The following RSF1 variants were observed in gnomAD, a reference collection of about 807,000 sequenced individuals.
RSF1 encodes HBV pX-associated protein 8.
Under a neutral mutation model 145.2 loss-of-function variants are expected in RSF1, and 13 were observed. The observed-to-expected ratio is 0.09, with a 90% CI of 0.06 to 0.14. The LOEUF is 0.14. RSF1 is among the 10% of genes least tolerant of loss of function. RSF1 has a pLI of 1.00. For missense variants in RSF1, 1,517 were observed against 1,718.2 expected (o/e 0.88, Z 2.07); for synonymous variants, 577 against 592.6 (o/e 0.97, Z 0.38).
intron 2 of RSF1, 45 bp downstream of exon 2, chr11:77,764,553 G>A (rs754272531): frequency 2.9e-6 from 3 of 1,028,200 alleles, no homozygotes; most frequent in Non-Finnish European, 4.6e-6. Flanking sequence ...TTATGCTAGA[G>A]TAATATTTCA....
In RSF1 at chr11:77,729,895, C is replaced by CAAAAA. The variant is rs398045289; in HGVS notation, c.579-4201_579-4197dup. Among the ~76,000 whole-genome samples the CAAAAA allele has an allele frequency of 3.1e-4, 15 of 48,934 alleles. 1 individual carries two copies. Among genetic ancestry groups the CAAAAA allele is most frequent in the Non-Finnish European group, 4.0e-4 (9 of 22,360 alleles). The allele number at this position is 48,934 out of a possible 152,430, so 32.1% of individuals were successfully genotyped here. On this transcript the variant is annotated intron_variant, in intron 4 of 15. Coordinates refer to ENST00000308488, the MANE Select transcript of RSF1 (RefSeq NM_016578.4). ...TATAAATGCCAAATTATTCAGTAGG[C>CAAAAA]AAAAAAAAAAAAAAAAAAAAAAAAA...
chr11:77,684,222 T>A (rs926508642), intron 10 of RSF1, among the ~76,000 whole-genome samples: 4 of 152,258 alleles, frequency 2.6e-5, no homozygotes, highest in African/African-American at 9.6e-5. Flanking sequence ...AGCTTGTGAT[T>A]TAATTAAGCC....
chr11:77,667,547 T>C lies in RSF1; in HGVS notation c.3752-56A>G. ...CACGGTTAACCATAAACGAATTTAA[T>C]TCTCCTTTTCCTCCCGATATTCACC... On this transcript the variant is annotated intron_variant, in intron 15 of 15. Transcript: ENST00000308488. 2.0e-6 allele frequency: 3 copies of C among 1,465,702 alleles called. No homozygotes were observed. In the South Asian group the frequency reaches 3.7e-5, roughly 18 times the overall value. 90.8% of individuals were successfully genotyped at this position (1,465,702 alleles called of 1,614,324 possible).
At position 77,698,644 on chromosome 11, in the gene RSF1, C is replaced by T; in HGVS notation, c.2558G>A (p.Arg853Lys). 1 of 1,614,184 alleles carries T rather than the reference C, an allele frequency of 6.2e-7. No homozygotes were observed. Among genetic ancestry groups the T allele is most frequent in the East Asian group, 2.2e-5 (1 of 44,876 alleles). The change falls in exon 7 of 16, where the codon AGA becomes AAA. Residue 853 changes from arginine (R) to lysine (K), a missense_variant. By Grantham distance (26) the Arg-to-Lys change is conservative. Around this residue, in one of 12 missense-constraint regions of RSF1, gnomAD observed 579 missense variants for 553.5 expected, o/e 1.05. Transcript: ENST00000308488. The part of the protein sequence containing the change: ...VRWTGSRTRG[R>K]WKYSSNDESE... Reference sequence around the variant, plus strand: ...TTCATCATTGCTGGAATATTTCCATCTGCCACGTGTCCGAGAACCAGTCCA... The same window carrying T: ...TTCATCATTGCTGGAATATTTCCATTTGCCACGTGTCCGAGAACCAGTCCA...
chr11:77,697,085 C>T (rs1295585260), intron 7 of RSF1, among the ~76,000 whole-genome samples: 1 of 152,036 alleles, frequency 6.6e-6, no homozygotes, highest in Non-Finnish European at 1.5e-5. Context: ...TCCCACCTTA[C>T]AATAAAGAAA....
chr11:77,797,043 A>C (rs1480481193), intron 1 of RSF1, among the ~76,000 whole-genome samples: 1 of 152,278 alleles, frequency 6.6e-6, no homozygotes, highest in Admixed American at 6.5e-5. Context: ...TTCTATGCTC[A>C]TGGATAGGAA....
intron 11 of RSF1, 51 bp from the exon 12 acceptor site, chr11:77,678,204 T>C: frequency 9.4e-7 from 1 of 1,066,544 alleles, no homozygotes; most frequent in Non-Finnish European, 1.3e-6. Flanking sequence ...TTTTTTTTTT[T>C]TTTTTTTAAT....
At chr11:77,782,722 T>A (rs184213275) in intron 1 of RSF1, among the ~76,000 whole-genome samples, 16 of 152,338 alleles carry the variant, frequency 1.1e-4, no homozygotes, top group Admixed American at 7.2e-4. Flanking sequence ...ATTCAAATCT[T>A]AGTGTCTGTA....
At chr11:77,855,720 C>T in the RSF1 span, among the ~76,000 whole-genome samples, 9 of 127,934 alleles carry the variant, frequency 7.0e-5, no homozygotes, top group Non-Finnish European at 9.5e-5. Context: ...AGTTTTATGT[C>T]TTTTTTTTTT....
chr11:77,739,386 C>T (rs892763448), intron 4 of RSF1: 7 of 149,900 alleles, frequency 4.7e-5, no homozygotes, highest in African/African-American at 1.8e-4. Flanking sequence ...GGTATAATGT[C>T]ATGAATAGAT....
intron 1 of RSF1, among the ~76,000 whole-genome samples, chr11:77,794,110 T>C (rs1266038429): frequency 6.6e-6 from 1 of 151,992 alleles, no homozygotes; most frequent in Non-Finnish European, 1.5e-5. Context: ...CATTCCACTG[T>C]TGAAGGGGAT....
At chr11:77,705,060 CTTT>C (rs1395170131) in intron 5 of RSF1, among the ~76,000 whole-genome samples, 1 of 151,920 alleles carries the variant, frequency 6.6e-6, no homozygotes, top group Non-Finnish European at 1.5e-5. Flanking sequence ...CGGCTTGGTT[CTTT>C]TAAGAGAAAA....
At chr11:77,871,385 A>G in the RSF1 span, among the ~76,000 whole-genome samples, 1 of 152,234 alleles carries the variant, frequency 6.6e-6, no homozygotes, top group South Asian at 2.1e-4. Flanking sequence ...TCTATGGGTA[A>G]GGCACTATTC....
At chr11:77,747,150 T>G in intron 2 of RSF1, 22 bp from the exon 3 acceptor site, 1 of 1,496,528 alleles carries the variant, frequency 6.7e-7, no homozygotes, top group Non-Finnish European at 9.3e-7. Flanking sequence ...AGTTAATATC[T>G]TAATACATGA....
At chr11:77,856,355 A>C in the RSF1 span, among the ~76,000 whole-genome samples, 1 of 152,148 alleles carries the variant, frequency 6.6e-6, no homozygotes, top group African/African-American at 2.4e-5. Flanking sequence ...GGTCTCTAGG[A>C]ATTTCCAAAT....
chr11:77,749,716 C>T lies in RSF1; in HGVS notation c.280-2588G>A, dbSNP rs151222950. Among the ~76,000 whole-genome samples, 448 of 152,260 alleles carry T rather than the reference C, an allele frequency of 2.9e-3. 2 individuals are homozygous for T. The highest frequency in any genetic ancestry group is 0.01 in the African/African-American group (430 of 41,562). On this transcript the variant is annotated intron_variant, in intron 2 of 15. Transcript: ENST00000308488. ...ACCTTTATTTATAACATTTAGGGTA[C>T]ATTTGTTTTGCAGATTTCAAAGATA... is the stretch of plus-strand genomic sequence containing the variant.
intron 2 of RSF1, among the ~76,000 whole-genome samples, chr11:77,748,063 G>A (rs1051298705): frequency 4.6e-5 from 7 of 152,050 alleles, no homozygotes; most frequent in African/African-American, 1.7e-4. Context: ...AAACAAGCCA[G>A]CTCTCTCAGG....
chr11:77,780,395 A>G (rs891613652), intron 1 of RSF1, among the ~76,000 whole-genome samples: 3 of 152,252 alleles, frequency 2.0e-5, no homozygotes, highest in Non-Finnish European at 2.9e-5. Context: ...GCAATCAACC[A>G]TTCCATGCCA....
At chr11:77,715,702 C>T (rs1039949370) in intron 5 of RSF1, among the ~76,000 whole-genome samples, 1 of 152,228 alleles carries the variant, frequency 6.6e-6, no homozygotes, top group African/African-American at 2.4e-5. Flanking sequence ...CCCGCCTCAG[C>T]CTCCCAAAGT....
Sources: gnomAD v4.1 joint callset for allele counts (sites outside exome capture counted in the v4.1 genomes callset) on GRCh38, gnomAD v4.1.1 for gene constraint, gnomAD v4.1.1 regional missense constraint, MANE v1.5 for transcripts, NCBI Gene and HGNC (gene_info 2026-07-23, HGNC 2026-07-21) for gene names.